Variants in HFM1 observed in about 807,000 individuals in gnomAD.
HFM1 encodes the protein probable ATP-dependent DNA helicase HFM1.
A neutral mutation model predicts 192.1 loss-of-function variants in HFM1; 169 were observed. The observed-to-expected ratio is 0.88, with a 90% CI of 0.78 to 1.00. HFM1 has a LOEUF of 1.00. HFM1 is among the 50% of genes least tolerant of loss of function. HFM1 has a pLI of 0.00. For missense variants in HFM1, 1,661 were observed against 1,668.0 expected (o/e 1.00, Z 0.07); for synonymous variants, 525 against 537.8 (o/e 0.98, Z 0.33).
At chr1:91,266,620 T>C (rs1054555215) in intron 35 of HFM1, among the ~76,000 whole-genome samples, 2 of 152,224 alleles carry the variant, frequency 1.3e-5, no homozygotes, top group Non-Finnish European at 2.9e-5. Flanking sequence ...TTTTCAGTGG[T>C]CTGCTCATAA....
chr1:91,386,503 G>C (rs150433499), intron 4 of HFM1, among the ~76,000 whole-genome samples: 1 of 152,196 alleles, frequency 6.6e-6, no homozygotes, highest in Non-Finnish European at 1.5e-5. Flanking sequence ...AGAACTACTA[G>C]CTAAGTTGTT....
chr1:91,332,022 A>T (rs12137335), intron 20 of HFM1, among the ~76,000 whole-genome samples: 5,071 of 152,336 alleles, frequency 0.033, 200 homozygotes, highest in East Asian at 0.13. Flanking sequence ...TAAAATTTCC[A>T]TATTACCCAA....
intron 4 of HFM1, among the ~76,000 whole-genome samples, chr1:91,393,416 A>G (rs896160717): frequency 9.9e-5 from 15 of 152,130 alleles, no homozygotes; most frequent in Admixed American, 3.9e-4. Context: ...CAACATGTCC[A>G]TATCTGTACT....
chr1:91,375,175 T>C (rs1660755714), intron 13 of HFM1, among the ~76,000 whole-genome samples, 183 bp downstream of exon 13: 1 of 152,048 alleles, frequency 6.6e-6, no homozygotes, highest in African/African-American at 2.4e-5. Flanking sequence ...ATTCAAGAAA[T>C]CTGGATCACC....
chr1:91,306,322 A>C (rs938546954), intron 30 of HFM1, among the ~76,000 whole-genome samples: 3 of 152,190 alleles, frequency 2.0e-5, no homozygotes, highest in African/African-American at 7.2e-5. Flanking sequence ...ACAAGGGTGA[A>C]ACTCTGTCTC....
At chr1:91,396,952 G>A (rs561653091) in intron 2 of HFM1, among the ~76,000 whole-genome samples, 25 of 152,276 alleles carry the variant, frequency 1.6e-4, no homozygotes, top group African/African-American at 4.6e-4. Flanking sequence ...GATCAGCAAC[G>A]ACATTAGATT....
chr1:91,374,413 T>G (rs745677697), intron 13 of HFM1, among the ~76,000 whole-genome samples: 1 of 151,836 alleles, frequency 6.6e-6, no homozygotes, highest in Non-Finnish European at 1.5e-5. Context: ...GATAAGAGAG[T>G]GTGTGTGTAG....
At chr1:91,284,329 C>T (rs939319677) in intron 30 of HFM1, among the ~76,000 whole-genome samples, 6 of 151,822 alleles carry the variant, frequency 4.0e-5, no homozygotes, top group South Asian at 2.1e-4. Context: ...CTGCAACCTC[C>T]GCCCAAGGCT....
At chr1:91,370,958 G>C (rs1441868022) in intron 13 of HFM1, among the ~76,000 whole-genome samples, 4 of 151,918 alleles carry the variant, frequency 2.6e-5, no homozygotes, top group Non-Finnish European at 5.9e-5. Context: ...CAGACAAACA[G>C]AGAGCCAAAT....
chr1:91,352,399 T>C, intron 16 of HFM1, 107 bp downstream of exon 16: 1 of 781,130 alleles, frequency 1.3e-6, no homozygotes, highest in East Asian at 2.8e-5. Flanking sequence ...TTCTCTGCTA[T>C]ATTACTTTTA....
At chr1:91,273,999 C>CA (rs1457895146) in intron 33 of HFM1, among the ~76,000 whole-genome samples, 184 bp from the exon 34 acceptor site, 2 of 152,098 alleles carry the variant, frequency 1.3e-5, no homozygotes, top group Non-Finnish European at 2.9e-5. Context: ...CTTTCCTTTA[C>CA]ATGCCCTTAG....
chr1:91,377,345 G>A (rs1408526421), intron 11 of HFM1: 1 of 151,884 alleles, frequency 6.6e-6, no homozygotes, highest in Non-Finnish European at 1.5e-5. Flanking sequence ...CAATATAGTG[G>A]CTATTTGTGA....
Position 91,276,703 on chromosome 1 carries a change from T to C in HFM1, c.3513A>G (p.Ser1171=). The C allele has an allele frequency of 1.3e-6, 2 of 1,559,804 alleles. No homozygotes were observed. Among genetic ancestry groups the C allele is most frequent in the Non-Finnish European group, 1.7e-6 (2 of 1,157,562 alleles). The change falls in exon 32 of 39, where the codon TCA becomes TCG. Residue 1171 remains serine, a synonymous_variant. Transcript: ENST00000370425. ...GVAQKSEIKE[S]TISSYLSDLR... is the part of the protein sequence containing the mutation. The stretch of plus-strand genomic sequence containing the variant: ...AATCAGATAAATATGAAGAAATTGT[T>C]GACTCTTTAATTTCTGACTTCTGTG...
At chr1:91,368,233 G>T (rs1425558201) in intron 13 of HFM1, among the ~76,000 whole-genome samples, 1 of 152,172 alleles carries the variant, frequency 6.6e-6, no homozygotes, top group Non-Finnish European at 1.5e-5. Context: ...TTCAAATTTA[G>T]GAAATACAGA....
At chr1:91,327,172 C>G (rs968755492) in intron 20 of HFM1, among the ~76,000 whole-genome samples, 2 of 152,156 alleles carry the variant, frequency 1.3e-5, no homozygotes, top group African/African-American at 4.8e-5. Flanking sequence ...TAAGTTCCTA[C>G]TTATCAATAA....
Position 91,315,886 on chromosome 1 carries a change from T to TG in HFM1, c.3068dup (p.Ser1024IlefsTer12), listed in dbSNP as rs1474533497. 1 of 1,610,246 alleles carries TG rather than the reference T, an allele frequency of 6.2e-7. No homozygotes were observed. The highest frequency in any genetic ancestry group is 8.5e-7 in the Non-Finnish European group (1 of 1,176,956). On this transcript the variant is annotated frameshift_variant, in exon 28 of 39. Transcript: ENST00000370425. LOFTEE classifies it high-confidence loss of function. ...TTAAGGTAACATAGTGAGAATCCGATGCTGTTCTTTTAGTTTGTAGCTGTT... is the reference window on the plus strand; with the variant it reads ...TTAAGGTAACATAGTGAGAATCCGATGGCTGTTCTTTTAGTTTGTAGCTGTT...
chr1:91,351,614 C>T lies in HFM1; in HGVS notation c.2007G>A (p.Met669Ile). 6.2e-7 allele frequency: 1 copy of T among 1,601,074 alleles called. No individual in the cohort carries two copies. Among genetic ancestry groups the T allele is most frequent in the Non-Finnish European group, 8.5e-7 (1 of 1,172,252 alleles). The part of the protein sequence containing the change: ...QFDTTATAVI[M>I]TRLSTRDKYI... ...ACTTGTCCCTTGTGCTTAATCGAGT[C>T]ATGATAACTGCAGTAGCTGTAGTGT... is the stretch of plus-strand genomic sequence containing the variant. Residue 669 changes from methionine to isoleucine, a missense_variant, in exon 17 of 39, where the codon ATG becomes ATA. Transcript: ENST00000370425.
intron 13 of HFM1, among the ~76,000 whole-genome samples, chr1:91,356,359 T>C (rs1657737640): frequency 6.6e-6 from 1 of 151,924 alleles, no homozygotes; most frequent in African/African-American, 2.4e-5. Flanking sequence ...TTCTCCTGCC[T>C]CAGCCTCCTG....
At chr1:91,290,867 C>A (rs1668664420) in intron 30 of HFM1, among the ~76,000 whole-genome samples, 2 of 152,212 alleles carry the variant, frequency 1.3e-5, no homozygotes, top group South Asian at 2.1e-4. Flanking sequence ...GACCACAGTG[C>A]AATCAAACTA....
Sources: allele counts gnomAD v4.1 joint callset (sites outside exome capture counted in the v4.1 genomes callset), GRCh38; gene constraint gnomAD v4.1.1; transcripts MANE v1.5; gene names NCBI Gene and HGNC (gene_info 2026-07-23, HGNC 2026-07-21).